The following IGDCC3 variants were observed in gnomAD, a reference collection of about 807,000 sequenced individuals.
IGDCC3 encodes immunoglobulin superfamily DCC subclass member 3, also known as putative neuronal cell adhesion molecule.
A neutral mutation model predicts 72.0 loss-of-function variants in IGDCC3; 47 were observed. That is an observed-to-expected ratio of 0.65 (90% confidence interval 0.52 to 0.83). The LOEUF (loss-of-function observed/expected upper bound fraction) is 0.83, where lower values mean the gene tolerates loss of function less well. Ranked by LOEUF, IGDCC3 falls within the 40% of genes least tolerant of loss-of-function variation. The pLI, the probability that IGDCC3 is intolerant of heterozygous loss-of-function variation, is 0.00. For missense variants in IGDCC3, 1,038 were observed against 1,091.3 expected, an observed-to-expected ratio of 0.95 and a Z score of 0.69; for synonymous variants, 477 against 472.8, an observed-to-expected ratio of 1.01 and a Z score of -0.11.
At chr15:65,355,241 C>G (rs906759376) in intron 2 of IGDCC3, among the ~76,000 whole-genome samples, 2 of 152,150 alleles carry the variant, frequency 1.3e-5, no homozygotes, top group African/African-American at 2.4e-5. Flanking sequence ...GCCTGGGGCC[C>G]CGAGAGCCGC....
intron 2 of IGDCC3, among the ~76,000 whole-genome samples, chr15:65,364,176 G>A (rs1202889436): frequency 6.6e-6 from 1 of 152,196 alleles, no homozygotes; most frequent in East Asian, 1.9e-4. Context: ...CCAGGGGTGT[G>A]AGCCCCTGCT....
chr15:65,372,340 A>C (rs920088412), intron 2 of IGDCC3, among the ~76,000 whole-genome samples: 3 of 152,174 alleles, frequency 2.0e-5, no homozygotes, highest in Non-Finnish European at 1.5e-5. Flanking sequence ...AACTACAAGC[A>C]CGTGGAGCTG....
chr15:65,328,742 G>A lies in IGDCC3; in HGVS notation c.*167C>T, dbSNP rs1448086843. On this transcript the variant is annotated 3_prime_UTR_variant, in exon 14 of 14. Transcript: ENST00000327987. The stretch of plus-strand genomic sequence containing the variant: ...CTCCTGATGGGTGTTAGGGCCGGGG[G>A]GTCCCTGTCAAGGCTGCCTTGGGTT... The A allele has an allele frequency of 4.0e-6, 3 of 756,694 alleles. No individual in the cohort carries two copies. The highest frequency in any genetic ancestry group is 5.8e-6 in the Non-Finnish European group (3 of 519,568). The allele number at this position is 756,694 out of a possible 1,614,324, so 46.9% of individuals were successfully genotyped here.
intron 8 of IGDCC3, 29 bp downstream of exon 8, chr15:65,331,379 AGAGG>A (rs752592930): frequency 6.3e-7 from 1 of 1,579,078 alleles, no homozygotes. Flanking sequence ...ATAGTGAATT[AGAGG>A]AAGGGGCAAC....
At chr15:65,361,199 C>T (rs950013140) in intron 2 of IGDCC3, among the ~76,000 whole-genome samples, 45 of 151,272 alleles carry the variant, frequency 3.0e-4, no homozygotes, top group Non-Finnish European at 3.4e-4. Context: ...TTGGCCGAGT[C>T]GGGGGATTAC....
chr15:65,343,429 C>A (rs1009125184), intron 2 of IGDCC3, among the ~76,000 whole-genome samples: 2 of 148,704 alleles, frequency 1.3e-5, no homozygotes, highest in Non-Finnish European at 3.0e-5. Context: ...GTTGCGGGGG[C>A]GAGCAGCAGG....
Position 65,331,445 on chromosome 15 carries a change from T to C in IGDCC3, c.1363A>G (p.Ile455Val). 1 of 1,611,462 alleles carries C rather than the reference T, an allele frequency of 6.2e-7. No individual in the cohort carries two copies. The change falls in exon 8 of 14, where the codon ATC becomes GTC. Residue 455 changes from isoleucine to valine, a missense_variant. Ile to Val is a conservative substitution (Grantham distance 29). Coordinates refer to ENST00000327987, the MANE Select transcript of IGDCC3 (RefSeq NM_004884.4). ...TTCCTGATGTGCAGGACGTAGCCGA[T>C]GATCTCCTTGGTGTTGGCCAGCGGC... ...SEPLANTKEI[I>V]GYVLHIRKAA...
At chr15:65,336,161 G>A (rs1038669493) in intron 2 of IGDCC3, among the ~76,000 whole-genome samples, 1 of 152,176 alleles carries the variant, frequency 6.6e-6, no homozygotes, top group African/African-American at 2.4e-5. Flanking sequence ...CTGAGAGGTG[G>A]TATAGGCTGG....
chr15:65,355,800 G>C (rs746409511), intron 2 of IGDCC3: 3 of 452,916 alleles, frequency 6.6e-6, no homozygotes, highest in South Asian at 4.7e-5. Context: ...CATTGTCCTC[G>C]CACGCCAAAC....
chr15:65,335,739 G>A, intron 3 of IGDCC3, 73 bp downstream of exon 3: 1 of 1,562,164 alleles, frequency 6.4e-7, no homozygotes, highest in Non-Finnish European at 8.8e-7. Flanking sequence ...AGAGCCGCGG[G>A]CCATCCTTCT....
Position 65,329,253 on chromosome 15 carries a change from C to T in IGDCC3, c.2206-105G>A. 13 of 1,503,106 alleles carry T rather than the reference C, an allele frequency of 8.6e-6. No individual in the cohort carries two copies. The highest frequency in any genetic ancestry group is 1.1e-5 in the Non-Finnish European group (12 of 1,123,596). 93.1% of individuals were successfully genotyped at this position (1,503,106 alleles called of 1,614,324 possible). A position where few individuals can be genotyped will look rare whatever the true frequency, so the allele number is the denominator to read the frequency against. The stretch of plus-strand genomic sequence containing the variant: ...GGTCTCCAGGTCTCCCTGCCTGACT[C>T]AGGGACACAAAGAGAAGACCTGCAG... On this transcript the variant is annotated intron_variant, in intron 13 of 13. Coordinates refer to ENST00000327987, the MANE Select transcript of IGDCC3 (RefSeq NM_004884.4). The surrounding 1 kb of genome is among the most constrained non-coding windows in gnomAD (Gnocchi z 4.1).
intron 2 of IGDCC3, chr15:65,374,025 A>G (rs1317978140): frequency 6.6e-6 from 1 of 152,202 alleles, no homozygotes; most frequent in East Asian, 1.9e-4. Context: ...AATCCCAGCT[A>G]CTGGGGAAGC....
At chr15:65,372,763 T>C (rs1326686536) in intron 2 of IGDCC3, among the ~76,000 whole-genome samples, 2 of 152,146 alleles carry the variant, frequency 1.3e-5, no homozygotes, top group Non-Finnish European at 2.9e-5. Context: ...ACATCTGCAG[T>C]GCCGGCAGGC....
Position 65,329,234 on chromosome 15 carries a change from C to T in IGDCC3, c.2206-86G>A. ...CACCCCACTTGGGCCTTAGGGTCTC[C>T]AGGTCTCCCTGCCTGACTCAGGGAC... is the stretch of plus-strand genomic sequence containing the variant. On this transcript the variant is annotated intron_variant, in intron 13 of 13. Transcript: ENST00000327987. This position sits in a 1 kb window ranked among gnomAD's most constrained non-coding sequence, Gnocchi z 4.1. 1 of 1,520,526 alleles carries T rather than the reference C, an allele frequency of 6.6e-7. No homozygotes were observed. The allele number at this position is 1,520,526 out of a possible 1,614,324, so 94.2% of individuals were successfully genotyped here.
chr15:65,346,443 G>C (rs2091124395), intron 2 of IGDCC3, among the ~76,000 whole-genome samples: 1 of 150,086 alleles, frequency 6.7e-6, no homozygotes, highest in Non-Finnish European at 1.5e-5. Context: ...GGAGTAAAAG[G>C]GTGGCCACGA....
intron 2 of IGDCC3, among the ~76,000 whole-genome samples, chr15:65,343,934 G>A (rs1298728000): frequency 6.6e-6 from 1 of 152,200 alleles, no homozygotes; most frequent in Non-Finnish European, 1.5e-5. Flanking sequence ...TCTGGCCCAG[G>A]CTCACCCTTC....
At chr15:65,341,851 G>A (rs1001211168) in intron 2 of IGDCC3, among the ~76,000 whole-genome samples, 24 of 152,094 alleles carry the variant, frequency 1.6e-4, no homozygotes, top group African/African-American at 3.6e-4. Context: ...TCAGCTCACC[G>A]CAACCTCCAC....
chr15:65,332,881 C>T (rs1319267984), intron 6 of IGDCC3, among the ~76,000 whole-genome samples: 1 of 152,208 alleles, frequency 6.6e-6, no homozygotes, highest in Non-Finnish European at 1.5e-5. Context: ...AGTGCACAGG[C>T]AGGCAGGTGT....
chr15:65,361,192 G>A (rs1388633139), intron 2 of IGDCC3, among the ~76,000 whole-genome samples: 7 of 152,044 alleles, frequency 4.6e-5, no homozygotes, highest in Admixed American at 4.6e-4. Flanking sequence ...ACTTTGTTTG[G>A]CCGAGTCGGG....
Sources: allele counts gnomAD v4.1 joint callset (sites outside exome capture counted in the v4.1 genomes callset), GRCh38; gene constraint gnomAD v4.1.1; non-coding constraint Gnocchi (gnomAD v3.1); transcripts MANE v1.5; gene names NCBI Gene and HGNC (gene_info 2026-07-23, HGNC 2026-07-21).